SGSM1: variants seen among roughly 807,000 people sequenced by gnomAD.
SGSM1 encodes the protein RUN and TBC1 domain containing 2.
SGSM1 carries 73 observed loss-of-function variants against 133.8 expected under a neutral mutation model. The observed-to-expected ratio is 0.55, with a 90% CI of 0.45 to 0.66. The LOEUF (loss-of-function observed/expected upper bound fraction) is 0.66, where lower values mean the gene tolerates loss of function less well. Among genes scored for constraint, SGSM1 ranks in the 30% least tolerant of loss-of-function variants. The pLI, the probability that SGSM1 is intolerant of heterozygous loss-of-function variation, is 0.00. For missense variants in SGSM1, 1,213 were observed against 1,448.1 expected, an observed-to-expected ratio of 0.84 and a Z score of 2.64; for synonymous variants, 563 against 573.0, an observed-to-expected ratio of 0.98 and a Z score of 0.25.
intron 2 of SGSM1, among the ~76,000 whole-genome samples, chr22:24,835,562 A>G (rs1410543061): frequency 1.3e-5 from 2 of 152,160 alleles, no homozygotes; most frequent in Non-Finnish European, 2.9e-5. Flanking sequence ...TTGGGTACCA[A>G]GTGGGGTGCA....
Position 24,924,401 on chromosome 22 carries a change from G to C in SGSM1, c.*127G>C. 1.3e-6 allele frequency: 1 copy of C among 763,332 alleles called. No homozygotes were observed. Among genetic ancestry groups the C allele is most frequent in the Admixed American group, 2.2e-5 (1 of 46,300 alleles). 47.3% of individuals were successfully genotyped at this position (763,332 alleles called of 1,614,324 possible). ...TGTCTGTTCACAAGCGTGGAGTTCA[G>C]TGCGCAAAGAAACTACCCTGACTTT... is the stretch of plus-strand genomic sequence containing the variant. On this transcript the variant is annotated 3_prime_UTR_variant, in exon 25 of 25. Transcript: ENST00000400358.
At chr22:24,855,803 C>A in intron 8 of SGSM1, 123 bp downstream of exon 8, 1 of 1,397,448 alleles carries the variant, frequency 7.2e-7, no homozygotes, top group Non-Finnish European at 1.0e-6. Flanking sequence ...CCCATGCACA[C>A]ATCCACCCGC....
At chr22:24,858,654 AAAG>A (rs1555926272) in intron 8 of SGSM1, among the ~76,000 whole-genome samples, 1 of 142,722 alleles carries the variant, frequency 7.0e-6, no homozygotes, top group African/African-American at 2.7e-5. Context: ...AAAAAAAAAA[AAAG>A]AAGAAAGACA....
chr22:24,910,791 A>G (rs1447928303), intron 21 of SGSM1, among the ~76,000 whole-genome samples: 1 of 152,116 alleles, frequency 6.6e-6, no homozygotes. Flanking sequence ...CTAAAAATAC[A>G]AAAGTTAGCC....
At chr22:24,866,643 T>C (rs1376790054) in intron 9 of SGSM1, among the ~76,000 whole-genome samples, 9 of 152,210 alleles carry the variant, frequency 5.9e-5, no homozygotes, top group African/African-American at 2.2e-4. Context: ...GTCGCTTCCA[T>C]CTTCAGACTT....
intron 2 of SGSM1, among the ~76,000 whole-genome samples, chr22:24,809,151 G>A (rs1019399455): frequency 3.3e-4 from 51 of 152,284 alleles, no homozygotes; most frequent in African/African-American, 1.0e-3. Flanking sequence ...CCCAAAGCAC[G>A]TCTCCCCTGT....
chr22:24,921,261 G>A (rs778624850), intron 24 of SGSM1, among the ~76,000 whole-genome samples: 25 of 151,782 alleles, frequency 1.6e-4, no homozygotes, highest in East Asian at 3.9e-4. Context: ...CACCACGCCC[G>A]GCTAATTTTT....
intron 24 of SGSM1, among the ~76,000 whole-genome samples, 178 bp from the exon 25 acceptor site, chr22:24,924,008 A>T (rs1934103282): frequency 6.6e-6 from 1 of 152,080 alleles, no homozygotes; most frequent in Non-Finnish European, 1.5e-5. Flanking sequence ...TGCTGTTCCA[A>T]TCCCCATTTT....
chr22:24,864,846 C>A (rs1437054837), intron 9 of SGSM1, among the ~76,000 whole-genome samples: 1 of 152,212 alleles, frequency 6.6e-6, no homozygotes, highest in Non-Finnish European at 1.5e-5. Context: ...AGTAAAGCTG[C>A]TAAAACACGC....
intron 22 of SGSM1, among the ~76,000 whole-genome samples, chr22:24,913,272 G>A (rs983345677): frequency 6.0e-5 from 8 of 134,026 alleles, no homozygotes; most frequent in Non-Finnish European, 9.2e-5. Flanking sequence ...CAGCCTGGGC[G>A]ACAGAGCAAG....
chr22:24,906,808 A>G (rs897553600), intron 21 of SGSM1, among the ~76,000 whole-genome samples: 3 of 152,002 alleles, frequency 2.0e-5, no homozygotes, highest in Admixed American at 2.0e-4. Context: ...AAAAATAGCC[A>G]GGCGTGGTGG....
chr22:24,898,547 C>A lies in SGSM1; in HGVS notation c.2598C>A (p.Gly866=), dbSNP rs141665346. 7.8e-5 allele frequency: 125 copies of A among 1,604,510 alleles called. 2 individuals carry two copies. Among genetic ancestry groups the A allele is most frequent in the Admixed American group, 3.4e-5 (2 of 59,242 alleles). The part of the protein sequence containing the change: ...ANEVSPVSSS[G]VTYSPELLDL... The stretch of plus-strand genomic sequence containing the variant: ...AGGTGTCCCCTGTGTCTTCCAGCGG[C>A]GTCACCTACTCTGTAAGTCACCAGG... Residue 866 remains glycine, a synonymous_variant, in exon 19 of 25, where the codon GGC becomes GGA. Coordinates refer to ENST00000400358, the MANE Select transcript of SGSM1 (RefSeq NM_001098497.3).
intron 13 of SGSM1, among the ~76,000 whole-genome samples, chr22:24,877,278 G>A (rs1932070705): frequency 6.6e-6 from 1 of 152,200 alleles, no homozygotes; most frequent in Non-Finnish European, 1.5e-5. Context: ...CCACACAGTG[G>A]AAATTCCAGT....
At chr22:24,870,519 C>T (rs1931717250) in intron 12 of SGSM1, among the ~76,000 whole-genome samples, 1 of 152,198 alleles carries the variant, frequency 6.6e-6, no homozygotes, top group African/African-American at 2.4e-5. Flanking sequence ...TTTGGAGATT[C>T]TCTATGTCAT....
intron 7 of SGSM1, 29 bp from the exon 8 acceptor site, chr22:24,855,520 T>C: frequency 1.2e-6 from 2 of 1,613,416 alleles, no homozygotes; most frequent in South Asian, 1.1e-5. Context: ...CCAGGCCTCA[T>C]CCCTCTGTCT....
In SGSM1 at chr22:24,855,325, A is replaced by C. The variant is rs1404454233; in HGVS notation, c.564A>C (p.Ala188=). The C allele has an allele frequency of 6.2e-7, 1 of 1,612,964 alleles. No individual in the cohort carries two copies. The highest frequency in any genetic ancestry group is 8.5e-7 in the Non-Finnish European group (1 of 1,179,488). ...TAGAGTACACCAAGATGAAGACTGC[A>C]GATCACTTCTGGACCGATCCCTCGG... The part of the protein sequence containing the change: ...CALEYTKMKT[A]DHFWTDPSAD... The change falls in exon 7 of 25, where the codon GCA becomes GCC. Residue 188 remains alanine, a synonymous_variant. Coordinates refer to ENST00000400358, the MANE Select transcript of SGSM1 (RefSeq NM_001098497.3).
chr22:24,824,875 C>G (rs1928710947), intron 2 of SGSM1, among the ~76,000 whole-genome samples: 3 of 152,156 alleles, frequency 2.0e-5, no homozygotes, highest in Admixed American at 2.0e-4. Flanking sequence ...TTTTGTGATT[C>G]TGTTTATATC....
At chr22:24,922,617 A>T (rs1210061440) in intron 24 of SGSM1, among the ~76,000 whole-genome samples, 1 of 150,120 alleles carries the variant, frequency 6.7e-6, no homozygotes, top group Non-Finnish European at 1.5e-5. Context: ...CTGGGACTAC[A>T]GGCATCCACC....
chr22:24,893,448 T>C lies in SGSM1; in HGVS notation c.1788T>C (p.His596=), dbSNP rs777572032. 6.2e-7 allele frequency: 1 copy of C among 1,613,764 alleles called. No homozygotes were observed. The highest frequency in any genetic ancestry group is 2.2e-5 in the East Asian group (1 of 44,858). ...CCTGGCAGGTGGACGAGCAGATTCA[T>C]GCCTGCTATGCACAGACCATGGCTG... The part of the protein sequence containing the change: ...TERKEVDEQI[H]ACYAQTMAEW... Residue 596 remains histidine, a synonymous_variant, in exon 17 of 25, where the codon CAT becomes CAC. Transcript: ENST00000400358.
Sources: gnomAD v4.1 joint callset for allele counts (sites outside exome capture counted in the v4.1 genomes callset) on GRCh38, gnomAD v4.1.1 for gene constraint, MANE v1.5 for transcripts, NCBI Gene and HGNC (gene_info 2026-07-23, HGNC 2026-07-21) for gene names.